The following GSK3B variants were observed in gnomAD, a reference collection of about 807,000 sequenced individuals.
GSK3B encodes glycogen synthase kinase-3 beta.
In GSK3B, 15 loss-of-function variants were observed where a neutral mutation model predicts 56.4. The observed-to-expected ratio is 0.27, with a 90% CI of 0.18 to 0.41. The LOEUF (loss-of-function observed/expected upper bound fraction) is 0.41. Among genes scored for constraint, GSK3B ranks in the 10% least tolerant of loss-of-function variants. The pLI is 1.00. For missense variants in GSK3B, 300 were observed against 513.4 expected (o/e 0.58, Z 4.02); for synonymous variants, 181 against 188.9 (o/e 0.96, Z 0.34).
chr3:119,989,997 G>A (rs113503124), intron 2 of GSK3B, among the ~76,000 whole-genome samples: 4 of 152,096 alleles, frequency 2.6e-5, no homozygotes, highest in African/African-American at 4.8e-5. Context: ...TAGGAGCATC[G>A]CCATCTTGGA....
intron 1 of GSK3B, among the ~76,000 whole-genome samples, chr3:120,052,325 A>C (rs1333768180): frequency 1.3e-5 from 2 of 152,212 alleles, no homozygotes; most frequent in Admixed American, 1.3e-4. Flanking sequence ...TAAAAAGGTG[A>C]AAATAGGCTT....
chr3:119,862,840 T>C (rs900341962), intron 9 of GSK3B, among the ~76,000 whole-genome samples: 7 of 152,120 alleles, frequency 4.6e-5, no homozygotes, highest in Non-Finnish European at 8.8e-5. Context: ...TCCCAAGGTC[T>C]CCCAGAAACC....
intron 9 of GSK3B, among the ~76,000 whole-genome samples, chr3:119,846,491 C>T (rs1252439293): frequency 6.6e-6 from 1 of 152,130 alleles, no homozygotes; most frequent in Admixed American, 6.5e-5. Context: ...TATGAACAGA[C>T]ATTTTTCAAA....
At chr3:120,002,390 G>A (rs1282912509) in intron 1 of GSK3B, 151 bp from the exon 2 acceptor site, 7 of 412,814 alleles carry the variant, frequency 1.7e-5, no homozygotes, top group African/African-American at 4.2e-5. Context: ...CCAGGCTGTT[G>A]TGCAGTCACA....
intron 2 of GSK3B, among the ~76,000 whole-genome samples, chr3:119,991,312 T>C (rs139581251): frequency 0.017 from 2,515 of 152,146 alleles, 78 homozygotes; most frequent in South Asian, 0.064. Flanking sequence ...CAAGTTAAGA[T>C]AGTTTAAGTA....
chr3:119,924,891 T>C (rs747175450), intron 3 of GSK3B, among the ~76,000 whole-genome samples: 24 of 152,172 alleles, frequency 1.6e-4, no homozygotes, highest in African/African-American at 5.8e-4. Flanking sequence ...GCCAAAAATA[T>C]CTAAGAAAAA....
chr3:119,837,033 T>A (rs565008238), intron 10 of GSK3B, among the ~76,000 whole-genome samples: 2 of 152,346 alleles, frequency 1.3e-5, no homozygotes, highest in East Asian at 3.9e-4. Context: ...GCAAGTTAGC[T>A]ATCATTAACA....
At position 120,017,844 on chromosome 3, in the gene GSK3B, A is replaced by G. The variant is rs566552017; in HGVS notation, c.89-15605T>C. Among the ~76,000 whole-genome samples, 3 of 152,342 alleles carry G rather than the reference A, an allele frequency of 2.0e-5. No individual in the cohort carries two copies. The East Asian group carries it at 5.8e-4, about 29-fold the overall frequency. ...AGTCTGAAAAAATATTTGTTCATTTATAAGTGACAAATTTCTACAGGCTTC... is the reference window on the plus strand; with the variant it reads ...AGTCTGAAAAAATATTTGTTCATTTGTAAGTGACAAATTTCTACAGGCTTC... On this transcript the variant is annotated intron_variant, in intron 1 of 10. Coordinates refer to ENST00000264235, the MANE Select transcript of GSK3B (RefSeq NM_001146156.2).
chr3:119,965,801 A>T (rs1559856269), intron 2 of GSK3B, among the ~76,000 whole-genome samples: 1 of 151,718 alleles, frequency 6.6e-6, no homozygotes, highest in Admixed American at 6.6e-5. Context: ...TCTGCCAAAA[A>T]TAATTTAAAA....
chr3:120,036,057 G>C (rs763581501), intron 1 of GSK3B, among the ~76,000 whole-genome samples: 3 of 152,054 alleles, frequency 2.0e-5, no homozygotes, highest in African/African-American at 4.8e-5. Flanking sequence ...CCTAATATTA[G>C]GCAGAAAGCA....
chr3:120,029,939 G>C (rs1411441232), intron 1 of GSK3B: 3 of 539,870 alleles, frequency 5.6e-6, no homozygotes, highest in Non-Finnish European at 1.1e-5. Flanking sequence ...ATGGGCCCTA[G>C]AGTGACCACA....
At chr3:120,074,448 T>G (rs1576311447) in intron 1 of GSK3B, among the ~76,000 whole-genome samples, 1 of 147,068 alleles carries the variant, frequency 6.8e-6, no homozygotes, top group African/African-American at 2.5e-5. Context: ...ACCTCCCGGG[T>G]TCAAGCGATT....
intron 3 of GSK3B, among the ~76,000 whole-genome samples, chr3:119,939,476 T>C (rs77733145): frequency 0.03 from 4,543 of 152,252 alleles, 116 homozygotes; most frequent in South Asian, 0.07. Flanking sequence ...TGCTAATTGA[T>C]CATATAAAGC....
chr3:119,923,929 C>T (rs899784327), intron 3 of GSK3B, among the ~76,000 whole-genome samples: 1 of 152,140 alleles, frequency 6.6e-6, no homozygotes, highest in Non-Finnish European at 1.5e-5. Context: ...AAGTCACTTG[C>T]ATCTCTAGGC....
chr3:120,058,640 T>C (rs899503504), intron 1 of GSK3B, among the ~76,000 whole-genome samples: 5 of 152,096 alleles, frequency 3.3e-5, no homozygotes, highest in African/African-American at 1.2e-4. Flanking sequence ...ACTTAACTTC[T>C]CTAAACTCAA....
intron 1 of GSK3B, among the ~76,000 whole-genome samples, chr3:120,068,641 A>C (rs2107561346): frequency 6.6e-6 from 1 of 152,030 alleles, no homozygotes; most frequent in East Asian, 1.9e-4. Context: ...CGGAGGTTGC[A>C]GTGAGCTGAG....
intron 2 of GSK3B, among the ~76,000 whole-genome samples, chr3:120,001,243 A>G (rs2057673951): frequency 6.6e-6 from 1 of 151,894 alleles, no homozygotes; most frequent in South Asian, 2.1e-4. Context: ...TATTTAAGAG[A>G]GTCTGGGGAC....
chr3:120,068,789 T>C (rs1025553994), intron 1 of GSK3B, among the ~76,000 whole-genome samples: 9 of 151,754 alleles, frequency 5.9e-5, no homozygotes, highest in African/African-American at 1.5e-4. Context: ...CATGTAATTA[T>C]AGAAATTGAT....
chr3:119,970,782 G>A (rs982040718), intron 2 of GSK3B, among the ~76,000 whole-genome samples: 11 of 149,510 alleles, frequency 7.4e-5, no homozygotes, highest in Admixed American at 2.7e-4. Context: ...GTGAGACTCC[G>A]TTTCAAAAAA....
Sources: allele counts gnomAD v4.1 joint callset (sites outside exome capture counted in the v4.1 genomes callset), GRCh38; gene constraint gnomAD v4.1.1; transcripts MANE v1.5; gene names NCBI Gene and HGNC (gene_info 2026-07-23, HGNC 2026-07-21).